Variants in NAPB observed in about 807,000 individuals in gnomAD.
NAPB encodes beta-soluble NSF attachment protein.
Under a neutral mutation model 44.7 loss-of-function variants are expected in NAPB, and 26 were observed. The ratio of observed to expected loss-of-function variants is 0.58; its 90% CI spans 0.43 to 0.81. The LOEUF (loss-of-function observed/expected upper bound fraction) is 0.81. NAPB is among the 30% of genes least tolerant of loss of function. The probability of loss-of-function intolerance (pLI) is 0.00; values close to 1 mark genes in which losing one functional copy is unlikely to be tolerated. For synonymous variants in NAPB, 120 were observed against 116.8 expected (o/e 1.03, Z -0.18); for missense variants, 315 against 356.4 (o/e 0.88, Z 0.94).
chr20:23,391,748 T>G (rs1983973262), intron 5 of NAPB, among the ~76,000 whole-genome samples: 2 of 152,242 alleles, frequency 1.3e-5, no homozygotes, highest in African/African-American at 4.8e-5. Context: ...TTTCATATAA[T>G]TTTTACACGT....
intron 1 of NAPB, among the ~76,000 whole-genome samples, chr20:23,420,815 C>A (rs994946608): frequency 7.3e-5 from 11 of 150,902 alleles, no homozygotes; most frequent in Admixed American, 1.3e-4. Flanking sequence ...GACAGCCCCC[C>A]CCCCAGAGTG....
chr20:23,392,027 T>C (rs550735743), intron 5 of NAPB, among the ~76,000 whole-genome samples: 3 of 152,314 alleles, frequency 2.0e-5, no homozygotes, highest in Admixed American at 6.5e-5. Context: ...AAACAGGCCA[T>C]GGAACTATAG....
chr20:23,413,091 G>C (rs1215348579), intron 1 of NAPB, among the ~76,000 whole-genome samples: 1 of 152,126 alleles, frequency 6.6e-6, no homozygotes, highest in Non-Finnish European at 1.5e-5. Flanking sequence ...TAGGCCAGGA[G>C]TTCGAGACCA....
intron 2 of NAPB, among the ~76,000 whole-genome samples, chr20:23,402,740 G>A (rs1011176416): frequency 6.6e-6 from 1 of 152,166 alleles, no homozygotes; most frequent in Non-Finnish European, 1.5e-5. Context: ...CATGCCTACT[G>A]TATTAAGAAG....
chr20:23,377,364 G>A lies in NAPB; in HGVS notation c.*12C>T. 1 of 1,558,662 alleles carries A rather than the reference G, an allele frequency of 6.4e-7. No homozygotes were observed. The highest frequency in any genetic ancestry group is 8.8e-7 in the Non-Finnish European group (1 of 1,138,622). Reference sequence around the variant, plus strand: ...AGAGGAGTTAGCTGCATGCCACAAAGACAAAAACATTTCATTTTAGGTCTC... The same window carrying A: ...AGAGGAGTTAGCTGCATGCCACAAAAACAAAAACATTTCATTTTAGGTCTC... On this transcript the variant is annotated 3_prime_UTR_variant, in exon 11 of 11. Transcript: ENST00000377026.
chr20:23,394,832 C>G, intron 5 of NAPB, 90 bp downstream of exon 5: 1 of 1,338,002 alleles, frequency 7.5e-7, no homozygotes, highest in Non-Finnish European at 1.1e-6. Flanking sequence ...CACTCTACAC[C>G]TACGATCACT....
At chr20:23,391,244 G>T (rs1459523072) in intron 5 of NAPB, among the ~76,000 whole-genome samples, 3 of 152,184 alleles carry the variant, frequency 2.0e-5, no homozygotes, top group Non-Finnish European at 4.4e-5. Flanking sequence ...CGGGGAGGCA[G>T]AGGTTGCAGT....
chr20:23,393,923 G>A (rs1984158289), intron 5 of NAPB, among the ~76,000 whole-genome samples: 2 of 152,212 alleles, frequency 1.3e-5, no homozygotes, highest in South Asian at 2.1e-4. Context: ...CCTGAGGCAG[G>A]AGCGCTCATC....
At chr20:23,388,858 C>T (rs1397508454) in intron 7 of NAPB, among the ~76,000 whole-genome samples, 4 of 152,022 alleles carry the variant, frequency 2.6e-5, no homozygotes, top group Non-Finnish European at 5.9e-5. Flanking sequence ...ATGATTTCTT[C>T]TATATAACAA....
rs115792399 is a variant in NAPB at position 23,377,146 on chromosome 20, G to C, written c.*230C>G. The C allele has an allele frequency of 3.3e-6, 1 of 304,070 alleles. No homozygotes were observed. Among genetic ancestry groups the C allele is most frequent in the African/African-American group, 2.1e-5 (1 of 46,740 alleles). The allele number at this position is 304,070 out of a possible 1,614,324, so 18.8% of individuals were successfully genotyped here. ...GATTCTGAAGTACTTCTCAGAAAAC[G>C]CTGGGGGTTCTGATAAGCATGAAAC... On this transcript the variant is annotated 3_prime_UTR_variant, in exon 11 of 11. Coordinates refer to ENST00000377026, the MANE Select transcript of NAPB (RefSeq NM_022080.3).
At chr20:23,393,604 A>C (rs1408624227) in intron 5 of NAPB, among the ~76,000 whole-genome samples, 7 of 152,142 alleles carry the variant, frequency 4.6e-5, no homozygotes, top group African/African-American at 1.7e-4. Context: ...ACGTGTGCCC[A>C]ATCTGGCGGA....
At chr20:23,410,738 A>G (rs1446380989) in intron 1 of NAPB, among the ~76,000 whole-genome samples, 1 of 152,214 alleles carries the variant, frequency 6.6e-6, no homozygotes, top group African/African-American at 2.4e-5. Context: ...ATACCAAAAA[A>G]GCCCCAAAAC....
At position 23,389,928 on chromosome 20, in the gene NAPB, A is replaced by G. The variant is rs2123169416; in HGVS notation, c.561+18T>C. 6.2e-7 allele frequency: 1 copy of G among 1,600,974 alleles called. No homozygotes were observed. Among genetic ancestry groups the G allele is most frequent in the Non-Finnish European group, 8.5e-7 (1 of 1,174,538 alleles). On this transcript the variant is annotated intron_variant, in intron 7 of 10. Transcript: ENST00000377026. ...TTATTCAGACAACTTCTCTCCAAGG[A>G]AACAACAGTATCCTCACCTGCTCAT...
intron 2 of NAPB, among the ~76,000 whole-genome samples, chr20:23,397,393 C>A (rs1188226500): frequency 3.3e-5 from 5 of 152,224 alleles, no homozygotes; most frequent in Admixed American, 3.3e-4. Context: ...AGCTTCTCCA[C>A]CTCAGCTCCA....
chr20:23,378,668 C>T (rs887487894), intron 10 of NAPB: 1 of 150,982 alleles, frequency 6.6e-6, no homozygotes, highest in African/African-American at 2.4e-5. Context: ...TCTCAAACTC[C>T]TGATCTCAGG....
At chr20:23,399,357 C>T (rs1984650254) in intron 2 of NAPB, among the ~76,000 whole-genome samples, 1 of 151,994 alleles carries the variant, frequency 6.6e-6, no homozygotes, top group African/African-American at 2.4e-5. Context: ...GGGATGAGTG[C>T]CCTTATAAAA....
chr20:23,415,228 G>T (rs1985920361), intron 1 of NAPB, among the ~76,000 whole-genome samples: 1 of 152,142 alleles, frequency 6.6e-6, no homozygotes, highest in Non-Finnish European at 1.5e-5. Flanking sequence ...AAACTAATGA[G>T]AAAGTTAAAA....
At chr20:23,390,108 T>C (rs1983840070) in intron 6 of NAPB, 78 bp from the exon 7 acceptor site, 1 of 1,533,240 alleles carries the variant, frequency 6.5e-7, no homozygotes, top group Admixed American at 1.7e-5. Context: ...TCAGTACATC[T>C]TCATTTGGTA....
chr20:23,384,629 A>C lies in NAPB; in HGVS notation c.562-3312T>G, dbSNP rs918742495. Among the ~76,000 whole-genome samples the C allele has an allele frequency of 2.6e-5, 4 of 152,258 alleles. No individual in the cohort carries two copies. In the East Asian group the frequency reaches 7.8e-4, roughly 30 times the overall value. ...AGAGTGAGACCCAGTCTCAAAAAAA[A>C]AGAAAGAAAGAAAAAAAAGAAAAGC... On this transcript the variant is annotated intron_variant, in intron 7 of 10. Transcript: ENST00000377026.
Sources: gnomAD v4.1 joint callset for allele counts (sites outside exome capture counted in the v4.1 genomes callset) on GRCh38, gnomAD v4.1.1 for gene constraint, MANE v1.5 for transcripts, NCBI Gene and HGNC (gene_info 2026-07-23, HGNC 2026-07-21) for gene names.